The following PKD1L1 variants were observed in gnomAD, a reference collection of about 807,000 sequenced individuals.
PKD1L1 encodes polycystin-1-like protein 1.
A neutral mutation model predicts 323.4 loss-of-function variants in PKD1L1; 236 were observed. The ratio of observed to expected loss-of-function variants is 0.73; its 90% CI spans 0.66 to 0.81. PKD1L1 has a LOEUF of 0.81. Ranked by LOEUF, PKD1L1 falls within the 40% of genes least tolerant of loss-of-function variation. The probability of loss-of-function intolerance (pLI) is 0.00; values close to 1 mark genes in which losing one functional copy is unlikely to be tolerated. For missense variants in PKD1L1, 3,320 were observed against 3,508.0 expected (o/e 0.95, Z 1.35); for synonymous variants, 1,344 against 1,335.0 (o/e 1.01, Z -0.15).
At chr7:47,914,285 A>T (rs1002602549) in intron 8 of PKD1L1, among the ~76,000 whole-genome samples, 5 of 152,080 alleles carry the variant, frequency 3.3e-5, no homozygotes, top group Admixed American at 1.3e-4. Flanking sequence ...GTAAAATATG[A>T]CAAACATCTG....
chr7:47,959,909 C>T, the PKD1L1 span, among the ~76,000 whole-genome samples: 1 of 147,506 alleles, frequency 6.8e-6, no homozygotes. Context: ...ATGACAATGG[C>T]GGTTTTGTGG....
intron 50 of PKD1L1, 107 bp downstream of exon 50, chr7:47,811,710 C>T: frequency 3.7e-6 from 3 of 818,952 alleles, no homozygotes; most frequent in Non-Finnish European, 5.9e-6. Flanking sequence ...ACCGGAGGGG[C>T]AGGTGAATGG....
At chr7:47,933,196 C>T (rs1190853912) in intron 4 of PKD1L1, among the ~76,000 whole-genome samples, 2 of 151,380 alleles carry the variant, frequency 1.3e-5, no homozygotes, top group African/African-American at 4.9e-5. Context: ...CTTGAAGCCA[C>T]TTGCTATGTG....
Position 47,940,181 on chromosome 7 carries a change from A to G in PKD1L1, c.285+12T>C. ...AGGAAGAAAAGCCTAATTTCCCCAG[A>G]TCCAGGAATACCTTCTGCCTGGAAG... On this transcript the variant is annotated intron_variant, in intron 3 of 56. Transcript: ENST00000289672. 2 of 1,614,142 alleles carry G rather than the reference A, an allele frequency of 1.2e-6. No homozygotes were observed. Among genetic ancestry groups the G allele is most frequent in the South Asian group, 1.1e-5 (1 of 91,072 alleles).
intron 6 of PKD1L1, among the ~76,000 whole-genome samples, chr7:47,929,963 C>G (rs1787733496): frequency 6.6e-6 from 1 of 152,220 alleles, no homozygotes; most frequent in African/African-American, 2.4e-5. Flanking sequence ...TGGGTGCCAC[C>G]CTTTCTACAT....
chr7:47,851,482 C>T (rs1387661668), intron 31 of PKD1L1, among the ~76,000 whole-genome samples: 1 of 152,080 alleles, frequency 6.6e-6, no homozygotes, highest in Non-Finnish European at 1.5e-5. Context: ...CAGAGAGAGA[C>T]TGAAGCTCTT....
chr7:47,837,181 C>G (rs1785478010), intron 36 of PKD1L1, 87 bp from the exon 37 acceptor site: 2 of 1,451,086 alleles, frequency 1.4e-6, no homozygotes, highest in East Asian at 2.3e-5. Flanking sequence ...ATCTTCTGAG[C>G]AGAGACCACG....
chr7:47,902,063 GA>G (rs1041412384), intron 13 of PKD1L1, among the ~76,000 whole-genome samples: 7 of 150,784 alleles, frequency 4.6e-5, no homozygotes, highest in Admixed American at 4.6e-4. Flanking sequence ...AGAAAAAAAA[GA>G]AAAGAAAAGA....
the PKD1L1 span, among the ~76,000 whole-genome samples, chr7:47,958,780 G>GCCCTCT: frequency 5.9e-5 from 9 of 151,808 alleles, no homozygotes; most frequent in East Asian, 1.9e-4. Flanking sequence ...ATGGTCAAAA[G>GCCCTCT]CCCTCTCCCT....
Position 47,861,657 on chromosome 7 carries a change from C to T in PKD1L1, c.4150-2772G>A, listed in dbSNP as rs529670282. Reference sequence around the variant, plus strand: ...CAGCACTTTGGGAGGCCAAGGCGGGCGGATCACAAGGTCAGGAGATCGAGA... The same window carrying T: ...CAGCACTTTGGGAGGCCAAGGCGGGTGGATCACAAGGTCAGGAGATCGAGA... On this transcript the variant is annotated intron_variant, in intron 26 of 56. Coordinates refer to ENST00000289672, the MANE Select transcript of PKD1L1 (RefSeq NM_138295.5). Among the ~76,000 whole-genome samples the T allele has an allele frequency of 1.8e-4, 27 of 151,118 alleles. No homozygotes were observed. The South Asian group carries it at 1.9e-3, about 11-fold the overall frequency.
the PKD1L1 span, among the ~76,000 whole-genome samples, chr7:47,959,329 A>G: frequency 1.4e-5 from 2 of 145,882 alleles, no homozygotes; most frequent in Non-Finnish European, 3.0e-5. Context: ...CCCAGTCTGG[A>G]AAGTGAGGAG....
At chr7:47,849,015 A>G (rs1785724227) in intron 31 of PKD1L1, among the ~76,000 whole-genome samples, 1 of 152,224 alleles carries the variant, frequency 6.6e-6, no homozygotes, top group South Asian at 2.1e-4. Context: ...GACCAATGGA[A>G]CAGAATGCAG....
intron 7 of PKD1L1, among the ~76,000 whole-genome samples, chr7:47,922,252 C>T (rs532205639): frequency 1.3e-5 from 2 of 152,174 alleles, no homozygotes; most frequent in Non-Finnish European, 2.9e-5. Flanking sequence ...GGCGTGCTCT[C>T]GGCTCGCTAC....
intron 10 of PKD1L1, 58 bp downstream of exon 10, chr7:47,905,784 TC>T: frequency 6.3e-7 from 1 of 1,598,322 alleles, no homozygotes; most frequent in Non-Finnish European, 8.5e-7. Flanking sequence ...GCTTTCCTAA[TC>T]TCAGCTGACT....
chr7:47,834,936 A>C, intron 39 of PKD1L1, 31 bp downstream of exon 39: 1 of 1,589,736 alleles, frequency 6.3e-7, no homozygotes, highest in Non-Finnish European at 8.6e-7. Flanking sequence ...AGCCCCACGG[A>C]GAGTTTCTGA....
In PKD1L1 at chr7:47,813,165, G is replaced by C; in HGVS notation, c.7302C>G (p.Gly2434=). The C allele has an allele frequency of 6.2e-7, 1 of 1,614,020 alleles. No individual in the cohort carries two copies. Among genetic ancestry groups the C allele is most frequent in the Non-Finnish European group, 8.5e-7 (1 of 1,180,018 alleles). Reference sequence around the variant, plus strand: ...GCACACAGTCCTCCCTTGTCCCACAGCCCCCAGGACCATTCAGGGTCACGT... The same window carrying C: ...GCACACAGTCCTCCCTTGTCCCACACCCCCCAGGACCATTCAGGGTCACGT... The part of the protein sequence containing the change: ...NQNVTLNGPG[G]CGTREDCVLS... The change falls in exon 49 of 57, where the codon GGC becomes GGG. Residue 2434 remains glycine (G), a synonymous_variant. Coordinates refer to ENST00000289672, the MANE Select transcript of PKD1L1 (RefSeq NM_138295.5).
chr7:47,928,561 T>A lies in PKD1L1; in HGVS notation c.1060+643A>T, dbSNP rs569464758. Among the ~76,000 whole-genome samples, 242 of 151,974 alleles carry A rather than the reference T, an allele frequency of 1.6e-3. 2 individuals carry two copies. The highest frequency in any genetic ancestry group is 5.5e-3 in the African/African-American group (228 of 41,420). On this transcript the variant is annotated intron_variant, in intron 7 of 56. Coordinates refer to ENST00000289672, the MANE Select transcript of PKD1L1 (RefSeq NM_138295.5). ...CTCCAGCCTGGGCAACAGAACAAGATTCTGTCTCAGAAAAAAGGAAGAAAG... is the reference window on the plus strand; with the variant it reads ...CTCCAGCCTGGGCAACAGAACAAGAATCTGTCTCAGAAAAAAGGAAGAAAG...
At chr7:47,793,588 A>C (rs896617193) in intron 55 of PKD1L1, among the ~76,000 whole-genome samples, 14 of 152,152 alleles carry the variant, frequency 9.2e-5, no homozygotes, top group African/African-American at 3.4e-4. Context: ...TTTTGTCCCC[A>C]GTTTCAGTTA....
chr7:47,791,416 C>T (rs1250408768), intron 56 of PKD1L1, among the ~76,000 whole-genome samples: 1 of 149,786 alleles, frequency 6.7e-6, no homozygotes, highest in Non-Finnish European at 1.5e-5. Context: ...TTTATTTCAT[C>T]TTGGAGTTCT....
Sources: allele counts gnomAD v4.1 joint callset (sites outside exome capture counted in the v4.1 genomes callset), GRCh38; gene constraint gnomAD v4.1.1; transcripts MANE v1.5; gene names NCBI Gene and HGNC (gene_info 2026-07-23, HGNC 2026-07-21).